MGAT5: variants seen among roughly 807,000 people sequenced by gnomAD.
MGAT5 encodes the protein alpha-1,6-mannosylglycoprotein 6-beta-N-acetylglucosaminyltransferase A.
A neutral mutation model predicts 94.3 loss-of-function variants in MGAT5; 30 were observed. The ratio of observed to expected loss-of-function variants is 0.32; its 90% CI spans 0.24 to 0.43. MGAT5 has a LOEUF of 0.43. Ranked by LOEUF, MGAT5 falls within the 20% of genes least tolerant of loss-of-function variation. MGAT5 has a pLI of 1.00. For missense variants in MGAT5, 691 were observed against 905.5 expected, an observed-to-expected ratio of 0.76 and a Z score of 3.04; for synonymous variants, 310 against 322.9, an observed-to-expected ratio of 0.96 and a Z score of 0.43.
chr2:134,326,649 A>G (rs1687664221), intron 4 of MGAT5, among the ~76,000 whole-genome samples: 1 of 152,110 alleles, frequency 6.6e-6, no homozygotes, highest in Admixed American at 6.6e-5. Flanking sequence ...CAATGAATAA[A>G]CACTCCTCAT....
At chr2:134,382,146 T>C (rs3762488) in intron 10 of MGAT5, among the ~76,000 whole-genome samples, 2 of 152,018 alleles carry the variant, frequency 1.3e-5, no homozygotes, top group Admixed American at 6.6e-5. Context: ...TCCCAGCACG[T>C]TGGGAGGCCA....
intron 2 of MGAT5, among the ~76,000 whole-genome samples, chr2:134,295,704 T>C: frequency 6.6e-6 from 1 of 152,256 alleles, no homozygotes. Context: ...ATTGGAACCA[T>C]CAGGAATACT....
At chr2:134,340,875 T>A (rs2106000954) in intron 6 of MGAT5, among the ~76,000 whole-genome samples, 1 of 152,246 alleles carries the variant, frequency 6.6e-6, no homozygotes, top group Middle Eastern at 3.4e-3. Flanking sequence ...TTACGTATGC[T>A]CTCTGACTCT....
chr2:134,289,538 C>T (rs1573714288), intron 2 of MGAT5, among the ~76,000 whole-genome samples: 1 of 152,228 alleles, frequency 6.6e-6, no homozygotes. Context: ...GCAGGCCTGA[C>T]ATAGCTGTCT....
At position 134,336,391 on chromosome 2, in the gene MGAT5, T is replaced by C. The variant is rs554622981; in HGVS notation, c.645+103T>C. The C allele has an allele frequency of 5.2e-6, 5 of 955,666 alleles. No individual in the cohort carries two copies. In the East Asian group the frequency reaches 1.0e-4, roughly 19 times the overall value. The allele number at this position is 955,666 out of a possible 1,614,324, so 59.2% of individuals were successfully genotyped here. The stretch of plus-strand genomic sequence containing the variant: ...AAATGCCAACTATAACCTGAAATAG[T>C]GTTACACTGAAAAACTTCTGTATTC... On this transcript the variant is annotated intron_variant, in intron 5 of 15. Transcript: ENST00000281923.
rs1156605877 is a variant in MGAT5, at chr2:134,209,155, T to A, written c.-142-45107T>A. Among the ~76,000 whole-genome samples, 12 of 20,178 alleles carry A rather than the reference T, an allele frequency of 5.9e-4. 2 individuals carry two copies. The highest frequency in any genetic ancestry group is 5.3e-3 in the South Asian group (2 of 378). 13.2% of individuals were successfully genotyped at this position (20,178 alleles called of 152,430 possible). On this transcript the variant is annotated intron_variant, in intron 1 of 16. Coordinates refer to the MGAT5 transcript ENST00000409645. ...AGAACTGGCTTATTTTTTTTTTATT[T>A]TTTTTTTTTTTTTTATTTTTTTTTT...
chr2:134,252,501 T>C (rs989322916), upstream of MGAT5, among the ~76,000 whole-genome samples: 2 of 152,148 alleles, frequency 1.3e-5, no homozygotes, highest in African/African-American at 4.8e-5. Flanking sequence ...TGAGTGTGCA[T>C]CAGAATCACC....
intron 1 of MGAT5, among the ~76,000 whole-genome samples, chr2:134,178,353 G>A (rs1485537917): frequency 1.3e-5 from 2 of 152,222 alleles, no homozygotes; most frequent in Non-Finnish European, 2.9e-5. Flanking sequence ...ACCTCAGGAA[G>A]ATGTCCACCC....
At chr2:134,128,407 G>A (rs570720434) in intron 1 of MGAT5, among the ~76,000 whole-genome samples, 3 of 152,290 alleles carry the variant, frequency 2.0e-5, no homozygotes, top group African/African-American at 7.2e-5. Context: ...AGCTTGTTAA[G>A]TAGTATAGGT....
chr2:134,158,885 A>C (rs771545957), intron 1 of MGAT5, among the ~76,000 whole-genome samples: 5 of 152,174 alleles, frequency 3.3e-5, no homozygotes, highest in Non-Finnish European at 7.3e-5. Context: ...TCACATGATA[A>C]CCACTAGGCA....
At chr2:134,240,180 T>A (rs12614345) in intron 1 of MGAT5, among the ~76,000 whole-genome samples, 3 of 152,128 alleles carry the variant, frequency 2.0e-5, no homozygotes, top group African/African-American at 7.2e-5. Context: ...TGTTTACTGC[T>A]TTATATTTAA....
chr2:134,329,493 C>T (rs760730855), intron 4 of MGAT5, among the ~76,000 whole-genome samples: 3 of 152,010 alleles, frequency 2.0e-5, no homozygotes, highest in Admixed American at 6.6e-5. Context: ...AAGACCTAGG[C>T]GATGATACTC....
intron 10 of MGAT5, among the ~76,000 whole-genome samples, chr2:134,396,701 C>T (rs1417068585): frequency 6.6e-6 from 1 of 152,182 alleles, no homozygotes; most frequent in East Asian, 1.9e-4. Flanking sequence ...TGTGCCTGCC[C>T]TCCTTGTGTT....
At chr2:134,141,199 C>G (rs1391510885) in intron 1 of MGAT5, among the ~76,000 whole-genome samples, 1 of 152,154 alleles carries the variant, frequency 6.6e-6, no homozygotes, top group Non-Finnish European at 1.5e-5. Flanking sequence ...AAGACCCTCA[C>G]CAGATGCCAA....
At chr2:134,443,696 C>T (rs1366089985) in intron 15 of MGAT5, among the ~76,000 whole-genome samples, 1 of 152,208 alleles carries the variant, frequency 6.6e-6, no homozygotes, top group Non-Finnish European at 1.5e-5. Context: ...TCCAGTTCCA[C>T]AGCGCAAATC....
In MGAT5 at chr2:134,334,496, C is replaced by CTTTTTTTTTTTTTTTTTTTTTT; in HGVS notation, c.574-1719_574-1698dup. Reference sequence around the variant, plus strand: ...CAAATCTCTACTTTCCTTGCTCATCCTTTTTTTTTTTTTTTTTTTTTTTGC... The same window carrying CTTTTTTTTTTTTTTTTTTTTTT: ...CAAATCTCTACTTTCCTTGCTCATCCTTTTTTTTTTTTTTTTTTTTTTTTTTTTTTTTTTTTTTTTTTTTTGC... On this transcript the variant is annotated intron_variant, in intron 4 of 15. Coordinates refer to ENST00000281923, the MANE Select transcript of MGAT5 (RefSeq NM_002410.5). Among the ~76,000 whole-genome samples the CTTTTTTTTTTTTTTTTTTTTTT allele has an allele frequency of 5.9e-5, 2 of 34,108 alleles. 1 individual carries two copies. The highest frequency in any genetic ancestry group is 2.4e-4 in the African/African-American group (2 of 8,264). 22.4% of individuals were successfully genotyped at this position (34,108 alleles called of 152,430 possible). A position where few individuals can be genotyped will look rare whatever the true frequency, so the allele number is the denominator to read the frequency against.
At chr2:134,192,158 T>C (rs1237884594) in intron 1 of MGAT5, among the ~76,000 whole-genome samples, 1 of 149,822 alleles carries the variant, frequency 6.7e-6, no homozygotes, top group Non-Finnish European at 1.5e-5. Flanking sequence ...CTCCTCGCGC[T>C]AGTGGGTTCC....
chr2:134,183,873 C>T (rs1688871119), intron 1 of MGAT5, among the ~76,000 whole-genome samples: 1 of 152,256 alleles, frequency 6.6e-6, no homozygotes, highest in Non-Finnish European at 1.5e-5. Flanking sequence ...CCATGCGGGA[C>T]ATGAAAAACG....
chr2:134,136,219 A>T lies in MGAT5; in HGVS notation c.-143+15928A>T, dbSNP rs972622536. Among the ~76,000 whole-genome samples the T allele has an allele frequency of 3.9e-5, 6 of 152,292 alleles. No individual in the cohort carries two copies. In the South Asian group the frequency reaches 1.2e-3, roughly 32 times the overall value. On this transcript the variant is annotated intron_variant, in intron 1 of 16. Coordinates refer to the MGAT5 transcript ENST00000409645. The stretch of plus-strand genomic sequence containing the variant: ...GTTGTTGCACCTGTTGCTAGATAGT[A>T]TTATTTAATGTGTTAAGATACAAGC...
Sources: gnomAD v4.1 joint callset for allele counts (sites outside exome capture counted in the v4.1 genomes callset) on GRCh38, gnomAD v4.1.1 for gene constraint, MANE v1.5 for transcripts, NCBI Gene and HGNC (gene_info 2026-07-23, HGNC 2026-07-21) for gene names.